DNAH9: variants seen among roughly 807,000 people sequenced by gnomAD.
DNAH9 encodes DNAH9 variant protein.
DNAH9 carries 345 observed loss-of-function variants against 471.6 expected under a neutral mutation model. That is an observed-to-expected ratio of 0.73 (90% CI 0.67 to 0.80). The LOEUF is 0.80. Among genes scored for constraint, DNAH9 ranks in the 30% least tolerant of loss-of-function variants. DNAH9 has a pLI of 0.00. For synonymous variants in DNAH9, 2,093 were observed against 2,123.6 expected (o/e 0.99, Z 0.40); for missense variants, 5,407 against 5,609.2 (o/e 0.96, Z 1.15).
At chr17:11,676,345 C>T (rs555772766) in intron 17 of DNAH9, among the ~76,000 whole-genome samples, 20 of 145,154 alleles carry the variant, frequency 1.4e-4, no homozygotes, top group Non-Finnish European at 2.4e-4. Flanking sequence ...TGCAATGGCA[C>T]GATCTCGGCT....
intron 27 of DNAH9, among the ~76,000 whole-genome samples, chr17:11,721,376 G>A (rs2150804934): frequency 6.6e-6 from 1 of 152,154 alleles, no homozygotes; most frequent in Non-Finnish European, 1.5e-5. Context: ...TCATAAATAA[G>A]CATAGCCACA....
At chr17:11,805,670 TCAGCTGCCCTAG>T (rs1352480980) in intron 43 of DNAH9, among the ~76,000 whole-genome samples, 5 of 150,908 alleles carry the variant, frequency 3.3e-5, no homozygotes, top group African/African-American at 9.8e-5. Flanking sequence ...TACTCCTGCC[TCAGCTGCCCTAG>T]CAGGTGGGAT....
intron 31 of DNAH9, 87 bp downstream of exon 31, chr17:11,745,171 G>A (rs541199707): frequency 8.4e-7 from 1 of 1,191,468 alleles, no homozygotes; most frequent in Non-Finnish European, 1.2e-6. Flanking sequence ...AATCCAAAGG[G>A]TTGTTTTAGA....
At chr17:11,708,613 C>T (rs1192215931) in intron 26 of DNAH9, among the ~76,000 whole-genome samples, 2 of 152,036 alleles carry the variant, frequency 1.3e-5, no homozygotes, top group African/African-American at 4.8e-5. Context: ...AAAGTGGTTC[C>T]CACCTTTTCA....
intron 36 of DNAH9, among the ~76,000 whole-genome samples, chr17:11,764,149 G>A (rs1967834716): frequency 1.3e-5 from 2 of 152,146 alleles, no homozygotes; most frequent in South Asian, 4.1e-4. Flanking sequence ...AACCAAAGTG[G>A]AATTTATCTT....
intron 17 of DNAH9, among the ~76,000 whole-genome samples, chr17:11,676,377 G>A (rs2074051461): frequency 6.6e-6 from 1 of 150,698 alleles, no homozygotes; most frequent in Non-Finnish European, 1.5e-5. Flanking sequence ...CCACCTCCCG[G>A]GTTCAAGTGA....
At chr17:11,633,316 T>C (rs2073103036) in intron 8 of DNAH9, among the ~76,000 whole-genome samples, 1 of 152,112 alleles carries the variant, frequency 6.6e-6, no homozygotes, top group South Asian at 2.1e-4. Flanking sequence ...AGGGTTCCAG[T>C]AGTTGGTAGA....
At chr17:11,908,831 C>G (rs1567892931) in intron 61 of DNAH9, among the ~76,000 whole-genome samples, 1 of 152,152 alleles carries the variant, frequency 6.6e-6, no homozygotes, top group Non-Finnish European at 1.5e-5. Context: ...TCCGCGGATG[C>G]CGGGTGTTTA....
intron 28 of DNAH9, among the ~76,000 whole-genome samples, chr17:11,737,898 A>T (rs1175300587): frequency 6.6e-6 from 1 of 152,226 alleles, no homozygotes; most frequent in South Asian, 2.1e-4. Flanking sequence ...CACAGTTGCG[A>T]TGAGGATGGT....
rs558299913 is a variant in DNAH9 at position 11,942,632 on chromosome 17, G to A, written c.12843+147G>A. 1.2e-5 allele frequency: 9 copies of A among 737,286 alleles called. No individual in the cohort carries two copies. In the South Asian group the frequency reaches 2.1e-4, roughly 17 times the overall value. The allele number at this position is 737,286 out of a possible 1,614,324, so 45.7% of individuals were successfully genotyped here. A position where few individuals can be genotyped will look rare whatever the true frequency, so the allele number is the denominator to read the frequency against. ...GGTGCCCAAAAGTCATCACTCCCCAGAAACCACAGCCTGGCCATGAGGTTG... is the reference window on the plus strand; with the variant it reads ...GGTGCCCAAAAGTCATCACTCCCCAAAAACCACAGCCTGGCCATGAGGTTG... On this transcript the variant is annotated intron_variant, in intron 67 of 68. Coordinates refer to ENST00000262442, the MANE Select transcript of DNAH9 (RefSeq NM_001372.4).
rs1976469901 is a variant in DNAH9, at chr17:11,963,952, T to A, written c.13233+1696T>A. Reference sequence around the variant, plus strand: ...GAATTCCAGGGATTACCAGCAACCATCAGAAGCTAGGAAAGGTATGGGATG... The same window carrying A: ...GAATTCCAGGGATTACCAGCAACCAACAGAAGCTAGGAAAGGTATGGGATG... On this transcript the variant is annotated intron_variant, in intron 68 of 68. Transcript: ENST00000262442. 2.0e-5 allele frequency among the ~76,000 whole-genome samples: 3 copies of A among 152,244 alleles called. No individual in the cohort carries two copies. The South Asian group carries it at 6.2e-4, about 32-fold the overall frequency.
intron 26 of DNAH9, among the ~76,000 whole-genome samples, chr17:11,708,008 C>CAG (rs1567737016): frequency 1.9e-4 from 9 of 47,224 alleles, no homozygotes; most frequent in Non-Finnish European, 4.2e-4. Flanking sequence ...CACACACACA[C>CAG]ACACACAGAG....
At chr17:11,696,274 A>G (rs558126335) in intron 22 of DNAH9, among the ~76,000 whole-genome samples, 17 of 152,296 alleles carry the variant, frequency 1.1e-4, no homozygotes, top group African/African-American at 4.1e-4. Flanking sequence ...ACTTAGCTAC[A>G]TAGCTTGGAA....
chr17:11,669,939 C>A, intron 17 of DNAH9, 145 bp downstream of exon 17: 1 of 722,300 alleles, frequency 1.4e-6, no homozygotes, highest in Non-Finnish European at 2.3e-6. Context: ...GGCTTTTGGA[C>A]ACCATGGTAA....
At chr17:11,838,433 A>T (rs1970919192) in intron 49 of DNAH9, among the ~76,000 whole-genome samples, 1 of 152,212 alleles carries the variant, frequency 6.6e-6, no homozygotes, top group Non-Finnish European at 1.5e-5. Flanking sequence ...ATCACAGAAG[A>T]AGGCATAGTG....
chr17:11,876,707 T>G (rs574505765), intron 53 of DNAH9, among the ~76,000 whole-genome samples: 1 of 150,340 alleles, frequency 6.7e-6, no homozygotes, highest in Non-Finnish European at 1.5e-5. Context: ...TCAGGTTTTG[T>G]TTTTTTTGTT....
chr17:11,727,745 A>G (rs769538731), intron 27 of DNAH9, 73 bp from the exon 28 acceptor site: 101 of 967,312 alleles, frequency 1.0e-4, no homozygotes, highest in Non-Finnish European at 1.4e-4. Flanking sequence ...AATAAAGGGG[A>G]TGGAGAATGG....
chr17:11,798,457 A>AAAG (rs1555597619), intron 43 of DNAH9, among the ~76,000 whole-genome samples: 55 of 130,088 alleles, frequency 4.2e-4, no homozygotes, highest in African/African-American at 1.5e-3. Flanking sequence ...AAAAAAAAAA[A>AAAG]AGAGAGAGAG....
intron 26 of DNAH9, among the ~76,000 whole-genome samples, chr17:11,710,534 T>A (rs1235262418): frequency 1.3e-5 from 2 of 152,174 alleles, no homozygotes; most frequent in Non-Finnish European, 2.9e-5. Context: ...TTACTTTTAT[T>A]ATTCAAAATT....
Sources: allele counts gnomAD v4.1 joint callset (sites outside exome capture counted in the v4.1 genomes callset), GRCh38; gene constraint gnomAD v4.1.1; transcripts MANE v1.5; gene names NCBI Gene and HGNC (gene_info 2026-07-23, HGNC 2026-07-21).